The following MBOAT1 variants were observed in gnomAD, a reference collection of about 807,000 sequenced individuals.
MBOAT1 encodes membrane bound glycerophospholipid O-acyltransferase 1.
A neutral mutation model predicts 64.4 loss-of-function variants in MBOAT1; 67 were observed. That is an observed-to-expected ratio of 1.04 (90% CI 0.85 to 1.27). The LOEUF is 1.27. Among genes scored for constraint, MBOAT1 ranks in the 50% most tolerant of loss-of-function variants. MBOAT1 has a pLI of 0.00. For synonymous variants in MBOAT1, 229 were observed against 218.9 expected, an observed-to-expected ratio of 1.05 and a Z score of -0.41; for missense variants, 563 against 604.6, an observed-to-expected ratio of 0.93 and a Z score of 0.72.
intron 1 of MBOAT1, among the ~76,000 whole-genome samples, chr6:20,172,750 G>C (rs1456166046): frequency 6.6e-6 from 1 of 152,232 alleles, no homozygotes; most frequent in Middle Eastern, 3.4e-3. Flanking sequence ...ACCATCAATA[G>C]CATATTTAAT....
chr6:20,163,091 G>A (rs1761909262), intron 1 of MBOAT1, among the ~76,000 whole-genome samples: 2 of 152,170 alleles, frequency 1.3e-5, no homozygotes, highest in South Asian at 4.1e-4. Context: ...TGGCTAAAAG[G>A]TGGAAAACGA....
chr6:20,150,562 CTTTTTTTT>C (rs537125848), intron 3 of MBOAT1, among the ~76,000 whole-genome samples: 1 of 134,852 alleles, frequency 7.4e-6, no homozygotes, highest in South Asian at 2.4e-4. Context: ...TTTCTTTTTC[CTTTTTTTT>C]TTTTTTTTTG....
At chr6:20,123,732 A>G (rs970375879) in intron 8 of MBOAT1, among the ~76,000 whole-genome samples, 1 of 152,174 alleles carries the variant, frequency 6.6e-6, no homozygotes, top group Non-Finnish European at 1.5e-5. Context: ...GGTGCATCCT[A>G]TATTACATAA....
chr6:20,187,985 A>C (rs1762701963), intron 1 of MBOAT1, among the ~76,000 whole-genome samples: 1 of 150,832 alleles, frequency 6.6e-6, no homozygotes, highest in Non-Finnish European at 1.5e-5. Context: ...ACCTTGTCTC[A>C]AAAAAAAAGA....
At chr6:20,176,173 A>G (rs1452547061) in intron 1 of MBOAT1, among the ~76,000 whole-genome samples, 4 of 152,138 alleles carry the variant, frequency 2.6e-5, no homozygotes, top group Admixed American at 6.5e-5. Flanking sequence ...AATTCCACCT[A>G]CTAAGGAGGC....
chr6:20,141,657 G>C (rs1378032586), intron 4 of MBOAT1, among the ~76,000 whole-genome samples: 3 of 152,050 alleles, frequency 2.0e-5, no homozygotes, highest in Non-Finnish European at 4.4e-5. Flanking sequence ...AAAGTGCTGA[G>C]ATGATAAGTG....
Position 20,102,318 on chromosome 6 carries a change from G to C in MBOAT1, c.1456C>G (p.Leu486Val). The change falls in exon 13 of 13, where the codon CTG becomes GTG. Residue 486 changes from leucine to valine, a missense_variant. By Grantham distance (32) the Leu-to-Val change is conservative (BLOSUM62 1). Coordinates refer to ENST00000324607, the MANE Select transcript of MBOAT1 (RefSeq NM_001080480.3). ...QAHTQRRPQTLNSINKRKTD is the reference protein window; with the variant it reads ...QAHTQRRPQTVNSINKRKTD ...GTTTTTCTCTTATTAATAGAGTTCAGAGTCTGAGGCCGCCTTTGCGTATGA... is the reference window on the plus strand; with the variant it reads ...GTTTTTCTCTTATTAATAGAGTTCACAGTCTGAGGCCGCCTTTGCGTATGA... The C allele has an allele frequency of 6.2e-7, 1 of 1,614,060 alleles. No homozygotes were observed. Among genetic ancestry groups the C allele is most frequent in the Non-Finnish European group, 8.5e-7 (1 of 1,179,972 alleles).
chr6:20,168,860 T>C (rs895280444), intron 1 of MBOAT1, among the ~76,000 whole-genome samples: 2 of 132,200 alleles, frequency 1.5e-5, no homozygotes, highest in South Asian at 2.3e-4. Context: ...GTGTATTTGG[T>C]TGTTTCATAT....
chr6:20,135,423 G>T (rs57020259), intron 4 of MBOAT1, among the ~76,000 whole-genome samples: 5,446 of 152,200 alleles, frequency 0.036, 337 homozygotes, highest in African/African-American at 0.12. Context: ...TTCATCAGAT[G>T]TGGTACCCAT....
chr6:20,111,891 T>TATATACATATATATATAC (rs1760182211), intron 11 of MBOAT1, among the ~76,000 whole-genome samples: 1 of 79,974 alleles, frequency 1.3e-5, no homozygotes, highest in Non-Finnish European at 2.7e-5. Context: ...TATATATATA[T>TATATACATATATATATAC]ATTCCAGCAC....
chr6:20,102,338 G>GCA lies in MBOAT1; in HGVS notation c.1435_1436insTG (p.Thr479MetfsTer9), dbSNP rs1759826707. The GCA allele has an allele frequency of 6.2e-7, 1 of 1,613,776 alleles. No homozygotes were observed. The highest frequency in any genetic ancestry group is 8.5e-7 in the Non-Finnish European group (1 of 1,179,874). On this transcript the variant is annotated frameshift_variant, in exon 13 of 13. Coordinates refer to ENST00000324607, the MANE Select transcript of MBOAT1 (RefSeq NM_001080480.3). LOFTEE classifies it high-confidence loss of function. ...GTTCAGAGTCTGAGGCCGCCTTTGC[G>GCA]TATGAGCTTGTGGTTTCATTGGCAG... is the stretch of plus-strand genomic sequence containing the variant.
At chr6:20,113,035 C>G (rs1007585282) in intron 10 of MBOAT1, 27 bp from the exon 11 acceptor site, 28 of 1,603,024 alleles carry the variant, frequency 1.7e-5, no homozygotes, top group Middle Eastern at 1.7e-4. Context: ...GAACAAGACA[C>G]AGGTGAAACA....
At chr6:20,197,123 T>A (rs1762977447) in intron 1 of MBOAT1, among the ~76,000 whole-genome samples, 1 of 151,552 alleles carries the variant, frequency 6.6e-6, no homozygotes, top group South Asian at 2.1e-4. Flanking sequence ...TTTACAAATT[T>A]TTTTTTTTAA....
Position 20,100,645 on chromosome 6 carries a change from A to AC in MBOAT1, c.*1640dup, listed in dbSNP as rs753443713. Among the ~76,000 whole-genome samples, 1 of 152,162 alleles carries AC rather than the reference A, an allele frequency of 6.6e-6. No homozygotes were observed. The highest frequency in any genetic ancestry group is 1.5e-5 in the Non-Finnish European group (1 of 68,032). On this transcript the variant is annotated 3_prime_UTR_variant, in exon 13 of 13. Coordinates refer to ENST00000324607, the MANE Select transcript of MBOAT1 (RefSeq NM_001080480.3). The stretch of plus-strand genomic sequence containing the variant: ...ATCCTAAGAGAAGCAGCAGTAGGAC[A>AC]CCTTATGGACCTGTGTCTCTATTGA...
chr6:20,152,883 A>G, intron 1 of MBOAT1, 114 bp from the exon 2 acceptor site: 1 of 1,173,270 alleles, frequency 8.5e-7, no homozygotes, highest in Non-Finnish European at 1.2e-6. Flanking sequence ...CCCAGGCTGG[A>G]GTGCAGTGGC....
Position 20,112,918 on chromosome 6 carries a change from A to G in MBOAT1, c.1167T>C (p.Phe389=), listed in dbSNP as rs1402809004. The G allele has an allele frequency of 4.3e-6, 7 of 1,614,156 alleles. No individual in the cohort carries two copies. Among genetic ancestry groups the G allele is most frequent in the Non-Finnish European group, 1.7e-6 (2 of 1,179,994 alleles). The change falls in exon 11 of 13, where the codon TTT becomes TTC. Residue 389 remains phenylalanine, a synonymous_variant. Coordinates refer to ENST00000324607, the MANE Select transcript of MBOAT1 (RefSeq NM_001080480.3). ...TGACAAGAATTCCAGTTAAGAAGGTAAAATAGTATCCAGGGTAGACACCAT... is the reference window on the plus strand; with the variant it reads ...TGACAAGAATTCCAGTTAAGAAGGTGAAATAGTATCCAGGGTAGACACCAT... ...LWHGVYPGYY[F]TFLTGILVTL...
At chr6:20,156,446 G>A (rs767579015) in intron 1 of MBOAT1, among the ~76,000 whole-genome samples, 2 of 152,120 alleles carry the variant, frequency 1.3e-5, no homozygotes, top group African/African-American at 2.4e-5. Context: ...ATCCTGGATG[G>A]CCAGCGGAGT....
At chr6:20,162,471 TA>T (rs1427307350) in intron 1 of MBOAT1, among the ~76,000 whole-genome samples, 1 of 152,216 alleles carries the variant, frequency 6.6e-6, no homozygotes, top group African/African-American at 2.4e-5. Context: ...ACAATGGGCT[TA>T]CACATGTTGA....
chr6:20,121,808 C>T lies in MBOAT1; in HGVS notation c.907+2600G>A, dbSNP rs182589573. On this transcript the variant is annotated intron_variant, in intron 8 of 12. Transcript: ENST00000324607. ...AGGGAATTAGATATATTCTCTCTCT[C>T]TCTCTCTGTCCCCTACACACACACA... Among the ~76,000 whole-genome samples the T allele has an allele frequency of 5.0e-3, 760 of 152,066 alleles. 10 individuals are homozygous for T. Among genetic ancestry groups the T allele is most frequent in the African/African-American group, 0.018 (728 of 41,384 alleles).
Sources: allele counts gnomAD v4.1 joint callset (sites outside exome capture counted in the v4.1 genomes callset), GRCh38; gene constraint gnomAD v4.1.1; transcripts MANE v1.5; gene names NCBI Gene and HGNC (gene_info 2026-07-23, HGNC 2026-07-21).